NRCAM: variants seen among roughly 807,000 people sequenced by gnomAD.
The protein encoded by NRCAM is neuronal cell adhesion molecule.
A neutral mutation model predicts 156.5 loss-of-function variants in NRCAM; 83 were observed. That is an observed-to-expected ratio of 0.53 (90% CI 0.44 to 0.64). NRCAM has a LOEUF of 0.64. NRCAM is among the 30% of genes least tolerant of loss of function. NRCAM has a pLI of 0.00. For synonymous variants in NRCAM, 538 were observed against 563.9 expected (o/e 0.95, Z 0.65); for missense variants, 1,417 against 1,597.3 (o/e 0.89, Z 1.92).
chr7:108,205,685 A>G (rs2080755037), intron 13 of NRCAM, among the ~76,000 whole-genome samples: 1 of 152,206 alleles, frequency 6.6e-6, no homozygotes, highest in East Asian at 1.9e-4. Flanking sequence ...AAAAGTATCA[A>G]GCATGTATCA....
intron 3 of NRCAM, among the ~76,000 whole-genome samples, chr7:108,274,789 G>C (rs1457188292): frequency 2.0e-5 from 3 of 152,148 alleles, no homozygotes; most frequent in African/African-American, 7.2e-5. Context: ...AATAGGAGTG[G>C]CGACAGACGG....
intron 1 of NRCAM, among the ~76,000 whole-genome samples, chr7:108,412,229 G>T (rs1459105403): frequency 6.7e-6 from 1 of 148,518 alleles, no homozygotes; most frequent in Non-Finnish European, 1.5e-5. Context: ...CAAAGCATGA[G>T]CAACTTTCTA....
chr7:108,344,590 G>A (rs1036325983), intron 2 of NRCAM, among the ~76,000 whole-genome samples: 10 of 152,068 alleles, frequency 6.6e-5, no homozygotes, highest in Non-Finnish European at 1.0e-4. Context: ...GTAACAGCAC[G>A]TACTACTCTC....
intron 1 of NRCAM, among the ~76,000 whole-genome samples, chr7:108,439,814 C>T (rs2154479726): frequency 9.0e-6 from 1 of 110,666 alleles, no homozygotes; most frequent in East Asian, 2.6e-4. Flanking sequence ...GCCTGGGTGA[C>T]AGAGCAAGAC....
intron 11 of NRCAM, among the ~76,000 whole-genome samples, chr7:108,219,848 C>G (rs2091464637): frequency 6.6e-6 from 1 of 152,090 alleles, no homozygotes; most frequent in Non-Finnish European, 1.5e-5. Context: ...AAGTCCTAGC[C>G]AGAGCAATCA....
intron 2 of NRCAM, among the ~76,000 whole-genome samples, chr7:108,394,904 G>T (rs541039149): frequency 6.6e-6 from 1 of 152,238 alleles, no homozygotes; most frequent in East Asian, 1.9e-4. Flanking sequence ...ACTACTGATT[G>T]TGAAGAGGAA....
chr7:108,319,171 G>A (rs566185059), intron 2 of NRCAM, among the ~76,000 whole-genome samples: 6 of 152,132 alleles, frequency 3.9e-5, no homozygotes, highest in Non-Finnish European at 7.4e-5. Flanking sequence ...AATAAAAAAG[G>A]AAAACATGGC....
chr7:108,255,629 C>G (rs1162035446), intron 3 of NRCAM, among the ~76,000 whole-genome samples: 1 of 151,124 alleles, frequency 6.6e-6, no homozygotes, highest in Non-Finnish European at 1.5e-5. Flanking sequence ...GGCTGCCCAT[C>G]GTCTGGGATG....
intron 1 of NRCAM, among the ~76,000 whole-genome samples, chr7:108,449,703 C>A (rs1258447412): frequency 6.6e-6 from 1 of 152,146 alleles, no homozygotes; most frequent in Non-Finnish European, 1.5e-5. Flanking sequence ...ATAAATCATG[C>A]CATTCAAATG....
rs760999644 is a variant in NRCAM, at chr7:108,207,572, G to A, written c.1163C>T (p.Pro388Leu). ...TGTTAACCAGCTAATTCTGGGTTTGGGGTTGCCATTAGCTCTGCAGATCAA... is the reference window on the plus strand; with the variant it reads ...TGTTAACCAGCTAATTCTGGGTTTGAGGTTGCCATTAGCTCTGCAGATCAA... Reference protein sequence around the residue: ...GTLICRANGNPKPRISWLTNG... With the variant: ...GTLICRANGNLKPRISWLTNG... Residue 388 changes from proline (P) to leucine (L), a missense_variant, in exon 13 of 33, where the codon CCC becomes CTC. Pro to Leu is a moderately conservative substitution (Grantham distance 98). Transcript: ENST00000379028. 4 of 1,613,952 alleles carry A rather than the reference G, an allele frequency of 2.5e-6. No individual in the cohort carries two copies. Among genetic ancestry groups the A allele is most frequent in the Non-Finnish European group, 3.4e-6 (4 of 1,179,910 alleles).
At chr7:108,362,484 A>G (rs1356886114) in intron 2 of NRCAM, among the ~76,000 whole-genome samples, 1 of 152,242 alleles carries the variant, frequency 6.6e-6, no homozygotes, top group African/African-American at 2.4e-5. Flanking sequence ...TGAATGAGCT[A>G]TCAAGCCTTC....
At chr7:108,270,860 G>T (rs974292329) in intron 3 of NRCAM, among the ~76,000 whole-genome samples, 1 of 152,166 alleles carries the variant, frequency 6.6e-6, no homozygotes, top group Admixed American at 6.5e-5. Context: ...CTTGCCAGGG[G>T]CTGGAAGAAA....
Position 108,175,357 on chromosome 7 carries a change from G to C in NRCAM, c.3152C>G (p.Ala1051Gly), listed in dbSNP as rs1212369428. The change falls in exon 28 of 33, where the codon GCT (alanine) becomes GGT (glycine). Residue 1051 changes from alanine (A) to glycine (G), a missense_variant and splice_region_variant. Around this residue, in one of 2 missense-constraint regions of NRCAM, gnomAD observed 1,238 missense variants for 1,336.4 expected, o/e 0.93. Coordinates refer to ENST00000379028, the MANE Select transcript of NRCAM (RefSeq NM_001037132.4). Reference protein sequence around the residue: ...TEEAVTTVDEAGILPPDVGAG... With the variant: ...TEEAVTTVDEGGILPPDVGAG... Reference sequence around the variant, plus strand: ...ACCTACATCAGGTGGAAGAATACCAGCTTTAATGAAGGGAAACAGAAATAG... The same window carrying C: ...ACCTACATCAGGTGGAAGAATACCACCTTTAATGAAGGGAAACAGAAATAG... The C allele has an allele frequency of 1.9e-6, 3 of 1,562,354 alleles. No individual in the cohort carries two copies. Among genetic ancestry groups the C allele is most frequent in the Non-Finnish European group, 2.6e-6 (3 of 1,152,060 alleles).
At chr7:108,377,581 A>C (rs965755046) in intron 2 of NRCAM, among the ~76,000 whole-genome samples, 3 of 152,264 alleles carry the variant, frequency 2.0e-5, no homozygotes, top group Admixed American at 2.0e-4. Context: ...CATTCCTGAG[A>C]CACAATAGGC....
chr7:108,299,444 C>A (rs2098545384), intron 3 of NRCAM, among the ~76,000 whole-genome samples: 1 of 152,000 alleles, frequency 6.6e-6, no homozygotes, highest in African/African-American at 2.4e-5. Context: ...CACTACAGTC[C>A]AAGAATTTTT....
At position 108,184,129 on chromosome 7, in the gene NRCAM, T is replaced by TA. The variant is rs1491171489; in HGVS notation, c.2304+111_2304+112insT. The TA allele has an allele frequency of 0.011, 5,530 of 493,794 alleles. 196 individuals are homozygous for TA. In the African/African-American group the frequency reaches 0.16, roughly 14 times the overall value. 30.6% of individuals were successfully genotyped at this position (493,794 alleles called of 1,614,324 possible). A position where few individuals can be genotyped will look rare whatever the true frequency, so the allele number is the denominator to read the frequency against. ...ATGTATCTTTATATATATATATATATTTTTTTTCCCCAGAAATAGGTGAAA... is the reference window on the plus strand; with the variant it reads ...ATGTATCTTTATATATATATATATATATTTTTTTCCCCAGAAATAGGTGAAA... On this transcript the variant is annotated intron_variant, in intron 22 of 32. Coordinates refer to ENST00000379028, the MANE Select transcript of NRCAM (RefSeq NM_001037132.4).
At chr7:108,443,506 T>C (rs1347856897) in intron 1 of NRCAM, among the ~76,000 whole-genome samples, 1 of 152,184 alleles carries the variant, frequency 6.6e-6, no homozygotes, top group Non-Finnish European at 1.5e-5. Context: ...AAGGCTGAAG[T>C]TGTCTAAGAG....
chr7:108,252,759 G>A (rs2096429048), intron 3 of NRCAM, among the ~76,000 whole-genome samples: 1 of 152,238 alleles, frequency 6.6e-6, no homozygotes, highest in South Asian at 2.1e-4. Context: ...CAAGCAAGAT[G>A]CAGGAAAAAC....
chr7:108,373,867 G>A (rs1205349531), intron 2 of NRCAM, among the ~76,000 whole-genome samples: 3 of 152,118 alleles, frequency 2.0e-5, no homozygotes, highest in Admixed American at 6.6e-5. Context: ...TGGCAACCAC[G>A]TTTATTCTAA....
Sources: allele counts gnomAD v4.1 joint callset (sites outside exome capture counted in the v4.1 genomes callset), GRCh38; gene constraint gnomAD v4.1.1; regional missense constraint gnomAD v4.1.1; transcripts MANE v1.5; gene names NCBI Gene and HGNC (gene_info 2026-07-23, HGNC 2026-07-21).